COL21A1: variants seen among roughly 807,000 people sequenced by gnomAD.
The protein encoded by COL21A1 is collagen type XXI alpha 1 chain.
Under a neutral mutation model 137.9 loss-of-function variants are expected in COL21A1, and 149 were observed. The observed-to-expected ratio is 1.08, with a 90% CI of 0.95 to 1.24. The LOEUF (loss-of-function observed/expected upper bound fraction) is 1.24, where lower values mean the gene tolerates loss of function less well. COL21A1 is among the 50% of genes most tolerant of loss of function. The probability of loss-of-function intolerance (pLI) is 0.00; values close to 1 mark genes in which losing one functional copy is unlikely to be tolerated. For missense variants in COL21A1, 1,167 were observed against 1,158.4 expected, an observed-to-expected ratio of 1.01 and a Z score of -0.11; for synonymous variants, 456 against 391.5, an observed-to-expected ratio of 1.16 and a Z score of -1.95.
At chr6:56,355,438 G>C (rs984657988) in intron 1 of COL21A1, among the ~76,000 whole-genome samples, 2 of 151,908 alleles carry the variant, frequency 1.3e-5, no homozygotes, top group African/African-American at 4.8e-5. Context: ...GGGGTGGGGG[G>C]TAAACCTGTA....
At chr6:56,158,264 TTC>T (rs1775921750) in intron 9 of COL21A1, among the ~76,000 whole-genome samples, 1 of 115,284 alleles carries the variant, frequency 8.7e-6, no homozygotes, top group African/African-American at 3.9e-5. Context: ...TTTTTTTTTT[TTC>T]TTTTTTTTTT....
intron 16 of COL21A1, among the ~76,000 whole-genome samples, chr6:56,113,052 C>G (rs996596352): frequency 1.3e-5 from 2 of 152,170 alleles, no homozygotes; most frequent in African/African-American, 4.8e-5. Context: ...AACTTGAGTG[C>G]CTGTAAACCT....
At chr6:56,196,103 C>T (rs1166753414) in intron 1 of COL21A1, among the ~76,000 whole-genome samples, 1 of 152,016 alleles carries the variant, frequency 6.6e-6, no homozygotes, top group Non-Finnish European at 1.5e-5. Flanking sequence ...ACATTAAAAA[C>T]AAAGAATAAA....
At chr6:56,366,127 C>T (rs1294075615) in intron 1 of COL21A1, among the ~76,000 whole-genome samples, 2 of 152,046 alleles carry the variant, frequency 1.3e-5, no homozygotes, top group Non-Finnish European at 2.9e-5. Flanking sequence ...TCCTTTTCTG[C>T]AATTAGATTT....
At chr6:56,067,209 CAGAA>C (rs1318237155) in intron 23 of COL21A1, 82 bp downstream of exon 23, 1 of 1,119,840 alleles carries the variant, frequency 8.9e-7, no homozygotes, top group Non-Finnish European at 1.3e-6. Flanking sequence ...AATGTTGAAA[CAGAA>C]AGGAATTTAA....
rs1427015480 is a variant in COL21A1, at chr6:56,057,847, A to G, written c.2687-3T>C. 1 of 1,529,618 alleles carries G rather than the reference A, an allele frequency of 6.5e-7. No individual in the cohort carries two copies. The highest frequency in any genetic ancestry group is 2.4e-5 in the East Asian group (1 of 41,584). The allele number at this position is 1,529,618 out of a possible 1,614,324, so 94.8% of individuals were successfully genotyped here. On this transcript the variant is annotated splice_polypyrimidine_tract_variant and splice_region_variant and intron_variant, in intron 29 of 29. Transcript: ENST00000244728. ...TATTCCAGGAGGGCCCTCTGGACCT[A>G]AGATGGGACATTGGCAAGACGTAAA...
intron 3 of COL21A1, among the ~76,000 whole-genome samples, chr6:56,176,429 A>AG (rs150868514): frequency 2.5e-3 from 375 of 151,964 alleles, no homozygotes; most frequent in Non-Finnish European, 4.0e-3. Flanking sequence ...CAACAAAAAA[A>AG]AAACTGATTA....
intron 1 of COL21A1, among the ~76,000 whole-genome samples, chr6:56,343,719 T>C (rs528042830): frequency 6.6e-6 from 1 of 152,212 alleles, no homozygotes; most frequent in East Asian, 1.9e-4. Context: ...GGCAGGAGGA[T>C]CACTTGAGGC....
intron 17 of COL21A1, among the ~76,000 whole-genome samples, chr6:56,080,186 A>G (rs1245500030): frequency 6.6e-6 from 1 of 151,768 alleles, no homozygotes; most frequent in East Asian, 1.9e-4. Context: ...TATAGAGCAA[A>G]TGTGTTTCCA....
intron 1 of COL21A1, among the ~76,000 whole-genome samples, chr6:56,280,320 G>A (rs932249396): frequency 1.3e-5 from 2 of 152,102 alleles, no homozygotes; most frequent in Non-Finnish European, 2.9e-5. Flanking sequence ...ACAGGACCAG[G>A]CTTTTATTGC....
intron 18 of COL21A1, among the ~76,000 whole-genome samples, chr6:56,076,368 A>G (rs994702090): frequency 2.6e-5 from 4 of 151,518 alleles, no homozygotes; most frequent in African/African-American, 7.3e-5. Flanking sequence ...TATAGAAACA[A>G]GAGACAGCAA....
intron 1 of COL21A1, among the ~76,000 whole-genome samples, chr6:56,190,319 G>A (rs998308169): frequency 2.6e-5 from 4 of 152,142 alleles, no homozygotes; most frequent in Non-Finnish European, 4.4e-5. Context: ...ACATGTCTAC[G>A]CAAATAAACT....
chr6:56,071,058 A>G (rs62406154), intron 20 of COL21A1, among the ~76,000 whole-genome samples: 22,821 of 151,414 alleles, frequency 0.15, 1,750 homozygotes, highest in Middle Eastern at 0.22. Context: ...GAGGAGAGTC[A>G]AATCTTTAGT....
At chr6:56,168,968 C>G (rs949363859) in intron 5 of COL21A1, among the ~76,000 whole-genome samples, 1 of 151,916 alleles carries the variant, frequency 6.6e-6, no homozygotes, top group African/African-American at 2.4e-5. Context: ...TCACAATTAG[C>G]CCAACAACGT....
chr6:56,084,246 A>C (rs562624374), intron 17 of COL21A1, among the ~76,000 whole-genome samples: 2 of 151,466 alleles, frequency 1.3e-5, no homozygotes, highest in African/African-American at 4.8e-5. Flanking sequence ...CATTAATAAG[A>C]GAGATTAGAT....
intron 18 of COL21A1, among the ~76,000 whole-genome samples, chr6:56,076,421 G>A (rs531578907): frequency 6.6e-6 from 1 of 151,412 alleles, no homozygotes; most frequent in South Asian, 2.1e-4. Context: ...ATTAACTGCA[G>A]ATATTAGAAT....
intron 1 of COL21A1, among the ~76,000 whole-genome samples, chr6:56,206,832 A>G (rs1746898685): frequency 6.6e-6 from 1 of 151,596 alleles, no homozygotes; most frequent in Admixed American, 6.6e-5. Flanking sequence ...AAATCATAAC[A>G]AACAGTCTCT....
chr6:56,255,268 C>T (rs1370474832), intron 1 of COL21A1, among the ~76,000 whole-genome samples: 3 of 152,024 alleles, frequency 2.0e-5, no homozygotes, highest in South Asian at 2.1e-4. Context: ...TCATAACTGT[C>T]TCTTTCAATT....
At chr6:56,284,062 T>G (rs999104826) in intron 1 of COL21A1, among the ~76,000 whole-genome samples, 8 of 152,166 alleles carry the variant, frequency 5.3e-5, no homozygotes, top group African/African-American at 1.9e-4. Flanking sequence ...TTTTGTTGTT[T>G]TTTGAGACAG....
Sources: gnomAD v4.1 joint callset for allele counts (sites outside exome capture counted in the v4.1 genomes callset) on GRCh38, gnomAD v4.1.1 for gene constraint, MANE v1.5 for transcripts, NCBI Gene and HGNC (gene_info 2026-07-23, HGNC 2026-07-21) for gene names.